The following ZNF385D variants were observed in gnomAD, a reference collection of about 807,000 sequenced individuals.
ZNF385D encodes the protein zinc finger protein 659.
Under a neutral mutation model 35.8 loss-of-function variants are expected in ZNF385D, and 15 were observed. That is an observed-to-expected ratio of 0.42 (90% CI 0.28 to 0.64). The LOEUF (loss-of-function observed/expected upper bound fraction) is 0.64, where lower values mean the gene tolerates loss of function less well. Among genes scored for constraint, ZNF385D ranks in the 30% least tolerant of loss-of-function variants. The pLI is 0.23. For missense variants in ZNF385D, 474 were observed against 494.6 expected (o/e 0.96, Z 0.39); for synonymous variants, 212 against 186.8 (o/e 1.13, Z -1.10).
chr3:22,143,764 T>C (rs1486460055), intron 3 of ZNF385D, among the ~76,000 whole-genome samples: 1 of 152,202 alleles, frequency 6.6e-6, no homozygotes, highest in Non-Finnish European at 1.5e-5. Flanking sequence ...AAATGTCTGA[T>C]CTAGTGATTA....
In ZNF385D at chr3:22,083,011, A is replaced by T. The variant is rs1019432622; in HGVS notation, c.325+85806T>A. ...CTGACTGTTAGAAGAAAAACTTAAC[A>T]AACAGAAAGGAATAGCATCAACATC... is the stretch of plus-strand genomic sequence containing the variant. On this transcript the variant is annotated intron_variant, in intron 3 of 5. Coordinates refer to the ZNF385D transcript ENST00000494108. Among the ~76,000 whole-genome samples the T allele has an allele frequency of 3.3e-5, 5 of 152,236 alleles. No homozygotes were observed. The South Asian group carries it at 1.0e-3, about 31-fold the overall frequency.
Position 21,415,264 on chromosome 3 carries a change from C to A in ZNF385D, c.*5950G>T, listed in dbSNP as rs1398072594. The A allele has an allele frequency of 6.6e-6, 1 of 152,076 alleles. No homozygotes were observed. The highest frequency in any genetic ancestry group is 1.5e-5 in the Non-Finnish European group (1 of 67,994). 9.4% of individuals were successfully genotyped at this position (152,076 alleles called of 1,614,324 possible). A position where few individuals can be genotyped will look rare whatever the true frequency, so the allele number is the denominator to read the frequency against. On this transcript the variant is annotated 3_prime_UTR_variant, in exon 8 of 8. Transcript: ENST00000281523. ...TTGTCTTGTTATACCATGTCCTGCA[C>A]ACTACCTGGATTTGAGGAAGATTTT...
intron 3 of ZNF385D, among the ~76,000 whole-genome samples, chr3:21,940,149 AC>A (rs2125271025): frequency 6.6e-6 from 1 of 152,168 alleles, no homozygotes; most frequent in South Asian, 2.1e-4. Flanking sequence ...TAAGTTTCTG[AC>A]AAACCACGAA....
intron 3 of ZNF385D, among the ~76,000 whole-genome samples, chr3:22,033,311 AGAATAACTTGAACCCAG>A (rs1698116787): frequency 6.6e-6 from 1 of 151,886 alleles, no homozygotes; most frequent in African/African-American, 2.4e-5. Flanking sequence ...CTGAGGCATG[AGAATAACTTGAACCCAG>A]GAGACAGAGG....
chr3:22,292,600 G>A (rs996019862), intron 2 of ZNF385D, among the ~76,000 whole-genome samples: 3 of 151,960 alleles, frequency 2.0e-5, no homozygotes, highest in Non-Finnish European at 4.4e-5. Flanking sequence ...ATTTCATGTT[G>A]GTTCTTTCAC....
At chr3:21,808,960 G>A (rs1456037189) in intron 3 of ZNF385D, among the ~76,000 whole-genome samples, 1 of 152,180 alleles carries the variant, frequency 6.6e-6, no homozygotes, top group Non-Finnish European at 1.5e-5. Flanking sequence ...GGGCAACCAG[G>A]AAGGGCATGC....
chr3:21,631,851 G>A (rs1218138598), intron 2 of ZNF385D, among the ~76,000 whole-genome samples: 3 of 152,072 alleles, frequency 2.0e-5, no homozygotes, highest in African/African-American at 4.8e-5. Context: ...ATGCAATCTC[G>A]TCATGTTTTT....
chr3:21,535,990 A>G (rs181677765), intron 3 of ZNF385D, among the ~76,000 whole-genome samples: 1 of 141,488 alleles, frequency 7.1e-6, no homozygotes, highest in Non-Finnish European at 1.5e-5. Context: ...ATTCCCCACA[A>G]TCATAACAAG....
intron 3 of ZNF385D, among the ~76,000 whole-genome samples, chr3:21,982,371 T>C (rs1171260768): frequency 6.6e-6 from 1 of 152,170 alleles, no homozygotes; most frequent in Non-Finnish European, 1.5e-5. Flanking sequence ...CTTTCTGATT[T>C]GGCTCTTGGT....
At chr3:22,006,338 G>A (rs900155411) in intron 3 of ZNF385D, among the ~76,000 whole-genome samples, 11 of 151,940 alleles carry the variant, frequency 7.2e-5, no homozygotes, top group African/African-American at 2.2e-4. Context: ...CAAAAATCTG[G>A]GTCTGTGTTT....
chr3:22,367,095 G>A (rs964471977), intron 2 of ZNF385D, among the ~76,000 whole-genome samples: 2 of 152,110 alleles, frequency 1.3e-5, no homozygotes, highest in African/African-American at 4.8e-5. Flanking sequence ...AGCAATCTTG[G>A]TACAGTAGCC....
At chr3:21,960,867 T>TA (rs1156403521) in intron 3 of ZNF385D, among the ~76,000 whole-genome samples, 1 of 152,020 alleles carries the variant, frequency 6.6e-6, no homozygotes, top group Non-Finnish European at 1.5e-5. Flanking sequence ...ATGTGGGAGC[T>TA]AAAAAATACT....
rs542948809 is a variant in ZNF385D, at chr3:21,664,112, A to T, written c.165+774T>A. Reference sequence around the variant, plus strand: ...ATCTGAAGGCTGAAAAGATAATATTAAAAAAAAAAAAAGTCACTTACTCGT... The same window carrying T: ...ATCTGAAGGCTGAAAAGATAATATTTAAAAAAAAAAAAGTCACTTACTCGT... On this transcript the variant is annotated intron_variant, in intron 2 of 7. Transcript: ENST00000281523. Among the ~76,000 whole-genome samples the T allele has an allele frequency of 9.5e-5, 11 of 115,772 alleles. No homozygotes were observed. In the East Asian group the frequency reaches 3.0e-3, roughly 32 times the overall value. 76.0% of individuals were successfully genotyped at this position (115,772 alleles called of 152,430 possible). A position where few individuals can be genotyped will look rare whatever the true frequency, so the allele number is the denominator to read the frequency against.
chr3:22,242,649 C>T (rs1458014655), intron 2 of ZNF385D, among the ~76,000 whole-genome samples: 2 of 151,120 alleles, frequency 1.3e-5, no homozygotes, highest in Admixed American at 6.6e-5. Flanking sequence ...AATGTGACAT[C>T]GCAACTAAAC....
intron 3 of ZNF385D, among the ~76,000 whole-genome samples, chr3:21,916,898 G>T (rs1277194053): frequency 6.6e-6 from 1 of 152,168 alleles, no homozygotes; most frequent in Non-Finnish European, 1.5e-5. Context: ...CCTATGGAAA[G>T]ATATACCAAT....
intron 2 of ZNF385D, among the ~76,000 whole-genome samples, chr3:21,589,094 A>G (rs2063896282): frequency 1.3e-5 from 2 of 152,226 alleles, no homozygotes; most frequent in Non-Finnish European, 2.9e-5. Context: ...AATAGTCACA[A>G]GAGTATTGGA....
At chr3:22,263,043 T>C (rs1350557355) in intron 2 of ZNF385D, among the ~76,000 whole-genome samples, 2 of 151,974 alleles carry the variant, frequency 1.3e-5, no homozygotes, top group African/African-American at 4.8e-5. Context: ...CCACCTCCAG[T>C]ATCATCACCC....
intron 3 of ZNF385D, among the ~76,000 whole-genome samples, chr3:21,945,108 G>C (rs1056754326): frequency 6.6e-6 from 1 of 151,228 alleles, no homozygotes; most frequent in African/African-American, 2.4e-5. Flanking sequence ...GTGTGTGTGT[G>C]TGCATGTATA....
At chr3:21,742,272 T>C (rs2069551871) in intron 1 of ZNF385D, among the ~76,000 whole-genome samples, 1 of 152,252 alleles carries the variant, frequency 6.6e-6, no homozygotes, top group African/African-American at 2.4e-5. Context: ...ACAAAGTACA[T>C]ACTTGAACCA....
Sources: gnomAD v4.1 joint callset for allele counts (sites outside exome capture counted in the v4.1 genomes callset) on GRCh38, gnomAD v4.1.1 for gene constraint, MANE v1.5 for transcripts, NCBI Gene and HGNC (gene_info 2026-07-23, HGNC 2026-07-21) for gene names.